Variants in ZNF366 observed in about 807,000 individuals in gnomAD.
The protein encoded by ZNF366 is zinc finger protein 366.
ZNF366 carries 20 observed loss-of-function variants against 47.2 expected under a neutral mutation model. The observed-to-expected ratio is 0.42, with a 90% CI of 0.30 to 0.62. ZNF366 has a LOEUF of 0.62. ZNF366 is among the 20% of genes least tolerant of loss of function. ZNF366 has a pLI of 0.16. For missense variants in ZNF366, 987 were observed against 976.3 expected, an observed-to-expected ratio of 1.01 and a Z score of -0.15; for synonymous variants, 421 against 395.1, an observed-to-expected ratio of 1.07 and a Z score of -0.78.
Position 72,441,796 on chromosome 5 carries a change from C to T in ZNF366, c.*1960G>A. On this transcript the variant is annotated 3_prime_UTR_variant, in exon 5 of 5. Coordinates refer to ENST00000318442, the MANE Select transcript of ZNF366 (RefSeq NM_152625.3). ...GGATGAAGCACAATAATAACCAGTA[C>T]CTAGCTCTACAAATACGAGTCAAAA... is the stretch of plus-strand genomic sequence containing the variant. 6.6e-6 allele frequency: 1 copy of T among 152,218 alleles called. No homozygotes were observed. The highest frequency in any genetic ancestry group is 2.1e-4 in the South Asian group (1 of 4,830). The allele number at this position is 152,218 out of a possible 1,614,324, so 9.4% of individuals were successfully genotyped here.
rs546528227 is a variant in ZNF366 at position 72,455,339 on chromosome 5, C to T, written c.1524+1065G>A. 3.9e-5 allele frequency among the ~76,000 whole-genome samples: 6 copies of T among 152,178 alleles called. No homozygotes were observed. In the South Asian group the frequency reaches 1.2e-3, roughly 32 times the overall value. ...CAGAGGTATTAAAGCAGGAACAGTCCCTGGAAACAGGGAACCCCACTTCAG... is the reference window on the plus strand; with the variant it reads ...CAGAGGTATTAAAGCAGGAACAGTCTCTGGAAACAGGGAACCCCACTTCAG... On this transcript the variant is annotated intron_variant, in intron 3 of 4. Coordinates refer to ENST00000318442, the MANE Select transcript of ZNF366 (RefSeq NM_152625.3).
intron 1 of ZNF366, among the ~76,000 whole-genome samples, chr5:72,492,009 G>A (rs894826374): frequency 6.6e-6 from 1 of 152,176 alleles, no homozygotes; most frequent in Non-Finnish European, 1.5e-5. Flanking sequence ...ATTAGAGAGT[G>A]TGCAAAGCAA....
intron 1 of ZNF366, among the ~76,000 whole-genome samples, chr5:72,493,194 C>T (rs10042132): frequency 0.19 from 28,761 of 152,158 alleles, 2,882 homozygotes; most frequent in East Asian, 0.38. Flanking sequence ...GCCCCAACTA[C>T]GTGTCAAAAA....
At chr5:72,502,562 C>G (rs1178879816) in intron 1 of ZNF366, among the ~76,000 whole-genome samples, 1 of 152,238 alleles carries the variant, frequency 6.6e-6, no homozygotes, top group African/African-American at 2.4e-5. Context: ...TTGAAGCATA[C>G]AATATGACCT....
At chr5:72,466,982 G>A (rs150346988) in intron 1 of ZNF366, among the ~76,000 whole-genome samples, 163 of 152,318 alleles carry the variant, frequency 1.1e-3, no homozygotes, top group African/African-American at 3.8e-3. Flanking sequence ...TGAAAAGGCC[G>A]AAGGGCAGTC....
intron 2 of ZNF366, 56 bp downstream of exon 2, chr5:72,460,109 A>G: frequency 6.4e-7 from 1 of 1,574,134 alleles, no homozygotes. Flanking sequence ...TGCTCTGCTC[A>G]GGGCCCCGCT....
rs374146709 is a variant in ZNF366, at chr5:72,460,782, C to G, written c.715G>C (p.Asp239His). 10 of 1,614,062 alleles carry G rather than the reference C, an allele frequency of 6.2e-6. No individual in the cohort carries two copies. The highest frequency in any genetic ancestry group is 8.5e-6 in the Non-Finnish European group (10 of 1,180,052). ...VERVDVNVQI[D>H]DSYYVDVGGS... The stretch of plus-strand genomic sequence containing the variant: ...CCCACGTCCACGTAGTAGCTGTCAT[C>G]GATCTGCACGTTCACGTCCACCCTC... Residue 239 changes from aspartate (D) to histidine (H), a missense_variant, in exon 2 of 5, where the codon GAT (aspartate) becomes CAT (histidine). Physicochemically the swap from Asp to His is moderately conservative, Grantham distance 81. This residue lies in a region of ZNF366 where 591 missense variants were observed against 560.9 expected (regional missense o/e 1.05). Coordinates refer to ENST00000318442, the MANE Select transcript of ZNF366 (RefSeq NM_152625.3).
intron 1 of ZNF366, among the ~76,000 whole-genome samples, chr5:72,485,956 C>A (rs1359638159): frequency 2.0e-5 from 3 of 152,162 alleles, no homozygotes; most frequent in Admixed American, 1.3e-4. Context: ...TCTTTTGCTT[C>A]CTTCAAGTTT....
At chr5:72,495,805 T>C (rs1222087631) in intron 1 of ZNF366, among the ~76,000 whole-genome samples, 1 of 152,134 alleles carries the variant, frequency 6.6e-6, no homozygotes, top group Non-Finnish European at 1.5e-5. Context: ...AAAGAGCTGG[T>C]ATGGCTGACC....
intron 3 of ZNF366, among the ~76,000 whole-genome samples, chr5:72,454,357 G>A (rs1022224745): frequency 6.6e-6 from 1 of 152,150 alleles, no homozygotes; most frequent in African/African-American, 2.4e-5. Context: ...ATACTAGAGA[G>A]AACCCTCTAG....
chr5:72,482,456 C>A (rs1743807429), intron 1 of ZNF366, among the ~76,000 whole-genome samples: 1 of 152,190 alleles, frequency 6.6e-6, no homozygotes, highest in African/African-American at 2.4e-5. Flanking sequence ...CTGGATAATT[C>A]TCACCTGCTT....
intron 4 of ZNF366, among the ~76,000 whole-genome samples, chr5:72,445,609 C>A (rs1204464887): frequency 6.6e-6 from 1 of 152,130 alleles, no homozygotes; most frequent in South Asian, 2.1e-4. Flanking sequence ...AGTTATTTTT[C>A]CAGAACAACA....
At chr5:72,450,393 G>C (rs1743042448) in intron 3 of ZNF366, among the ~76,000 whole-genome samples, 1 of 152,130 alleles carries the variant, frequency 6.6e-6, no homozygotes, top group Non-Finnish European at 1.5e-5. Flanking sequence ...GCTCTAAACA[G>C]CATCCCAGGG....
Position 72,447,274 on chromosome 5 carries a change from A to T in ZNF366, c.1668T>A (p.His556Gln). 6.2e-7 allele frequency: 1 copy of T among 1,614,168 alleles called. No homozygotes were observed. The highest frequency in any genetic ancestry group is 8.5e-7 in the Non-Finnish European group (1 of 1,180,032). ...AATGAAGGCCCCGCTCCATGACTCC[A>T]TGCTTGACTTTCATGTGGCGTGTCA... ...GNLTRHMKVK[H>Q]GVMERGLHSQ... The change falls in exon 4 of 5, where the codon CAT becomes CAA. Residue 556 changes from histidine (H) to glutamine (Q), a missense_variant. Physicochemically the swap from His to Gln is conservative, Grantham distance 24. Coordinates refer to ENST00000318442, the MANE Select transcript of ZNF366 (RefSeq NM_152625.3).
chr5:72,450,539 T>A (rs1743046014), intron 3 of ZNF366, among the ~76,000 whole-genome samples: 1 of 152,218 alleles, frequency 6.6e-6, no homozygotes, highest in Admixed American at 6.5e-5. Flanking sequence ...CATTACTTCA[T>A]GCAAAATTCT....
chr5:72,493,918 CTTTTTTTTTT>C (rs70999281), intron 1 of ZNF366, among the ~76,000 whole-genome samples: 4 of 62,514 alleles, frequency 6.4e-5, no homozygotes, highest in African/African-American at 2.0e-4. Flanking sequence ...CCATGCCCAG[CTTTTTTTTTT>C]TTTTTTTTTT....
At chr5:72,477,544 C>G (rs897587759) in intron 1 of ZNF366, among the ~76,000 whole-genome samples, 2 of 152,198 alleles carry the variant, frequency 1.3e-5, no homozygotes, top group Admixed American at 1.3e-4. Context: ...ACCCAAAGAG[C>G]TTTGCTGCAA....
chr5:72,446,127 T>C (rs1742952767), intron 4 of ZNF366, among the ~76,000 whole-genome samples: 1 of 152,254 alleles, frequency 6.6e-6, no homozygotes, highest in Admixed American at 6.5e-5. Context: ...TAGTGAGCAC[T>C]GGCTTGATTC....
chr5:72,458,826 G>A (rs2112326157), intron 2 of ZNF366, among the ~76,000 whole-genome samples: 1 of 152,282 alleles, frequency 6.6e-6, no homozygotes, highest in Non-Finnish European at 1.5e-5. Flanking sequence ...AGTGTATTTT[G>A]TTTTAATTAA....
Sources: gnomAD v4.1 joint callset for allele counts (sites outside exome capture counted in the v4.1 genomes callset) on GRCh38, gnomAD v4.1.1 for gene constraint, gnomAD v4.1.1 regional missense constraint, MANE v1.5 for transcripts, NCBI Gene and HGNC (gene_info 2026-07-23, HGNC 2026-07-21) for gene names.